Variants in CHODL observed in about 807,000 individuals in gnomAD.
The protein encoded by CHODL is chondrolectin.
A neutral mutation model predicts 34.5 loss-of-function variants in CHODL; 29 were observed. The ratio of observed to expected loss-of-function variants is 0.84; its 90% CI spans 0.63 to 1.15. CHODL has a LOEUF of 1.15. CHODL is among the 50% of genes most tolerant of loss of function. CHODL has a pLI of 0.00. For synonymous variants in CHODL, 125 were observed against 116.1 expected, an observed-to-expected ratio of 1.08 and a Z score of -0.49; for missense variants, 332 against 332.5, an observed-to-expected ratio of 1.00 and a Z score of 0.01.
intron 1 of CHODL, among the ~76,000 whole-genome samples, chr21:17,952,819 G>C (rs752046044): frequency 1.1e-4 from 17 of 152,130 alleles, no homozygotes; most frequent in African/African-American, 4.1e-4. Context: ...AGGTTTAATC[G>C]CCTCTCAGTC....
chr21:18,143,633 G>C (rs1017624458), intron 2 of CHODL, among the ~76,000 whole-genome samples: 30 of 152,014 alleles, frequency 2.0e-4, no homozygotes, highest in African/African-American at 7.2e-4. Context: ...TAAGACGGGA[G>C]AGTAATAGCT....
intron 2 of CHODL, among the ~76,000 whole-genome samples, chr21:18,108,865 GTGTGTGTTTC>G (rs2065310500): frequency 6.7e-6 from 1 of 148,854 alleles, no homozygotes; most frequent in African/African-American, 2.5e-5. Context: ...GTGTGTGTGT[GTGTGTGTTTC>G]TTCTAACTTT....
chr21:18,252,591 A>G (rs2074271028), intron 1 of CHODL, among the ~76,000 whole-genome samples: 1 of 152,180 alleles, frequency 6.6e-6, no homozygotes, highest in Admixed American at 6.5e-5. Flanking sequence ...AATTTGCACG[A>G]TAAGGTGGAA....
chr21:18,180,887 T>C (rs1231629720), intron 2 of CHODL, among the ~76,000 whole-genome samples: 1 of 152,230 alleles, frequency 6.6e-6, no homozygotes, highest in Non-Finnish European at 1.5e-5. Context: ...AATTTCTCCA[T>C]GTGTAAACAT....
At chr21:18,226,972 T>C (rs1271224972) in intron 2 of CHODL, among the ~76,000 whole-genome samples, 1 of 152,160 alleles carries the variant, frequency 6.6e-6, no homozygotes, top group African/African-American at 2.4e-5. Context: ...CAAAATATCA[T>C]AAACTGAGTA....
intron 2 of CHODL, among the ~76,000 whole-genome samples, chr21:18,169,008 G>A (rs1025147168): frequency 2.0e-5 from 3 of 152,042 alleles, no homozygotes; most frequent in Admixed American, 6.6e-5. Flanking sequence ...AGTCTTTGGT[G>A]TTGGAATTCT....
chr21:17,980,251 C>G (rs535373963), intron 1 of CHODL, among the ~76,000 whole-genome samples: 4 of 152,228 alleles, frequency 2.6e-5, no homozygotes, highest in Non-Finnish European at 5.9e-5. Flanking sequence ...TTATTTTTAA[C>G]TCTGATAGAA....
chr21:18,123,190 A>G (rs1043958874), intron 2 of CHODL, among the ~76,000 whole-genome samples: 1 of 152,238 alleles, frequency 6.6e-6, no homozygotes, highest in Non-Finnish European at 1.5e-5. Context: ...ATCCTCAGGC[A>G]CATACCCTCA....
Position 18,174,121 on chromosome 21 carries a change from G to GTATA in CHODL, c.-44-82387_-44-82386insATAT, listed in dbSNP as rs1491107369. On this transcript the variant is annotated intron_variant, in intron 2 of 6. Coordinates refer to the CHODL transcript ENST00000400127. ...AGGATATATATATATATATATCTTGGTGTATATATATATATATATATATAT... is the reference window on the plus strand; with the variant it reads ...AGGATATATATATATATATATCTTGGTATATGTATATATATATATATATATATAT... 2.6e-4 allele frequency among the ~76,000 whole-genome samples: 16 copies of GTATA among 60,866 alleles called. 1 individual carries two copies. In the East Asian group the frequency reaches 4.6e-3, roughly 18 times the overall value. 39.9% of individuals were successfully genotyped at this position (60,866 alleles called of 152,430 possible).
At chr21:18,113,554 G>T (rs1026405143) in intron 2 of CHODL, among the ~76,000 whole-genome samples, 1 of 152,142 alleles carries the variant, frequency 6.6e-6, no homozygotes, top group Non-Finnish European at 1.5e-5. Flanking sequence ...CATCCCGCAT[G>T]GCTGGAGCAG....
At chr21:17,955,726 A>T (rs1312725171) in intron 1 of CHODL, among the ~76,000 whole-genome samples, 2 of 136,672 alleles carry the variant, frequency 1.5e-5, no homozygotes, top group African/African-American at 5.0e-5. Flanking sequence ...TAGGGAAAAA[A>T]ATTGCTTGCT....
chr21:18,256,972 A>G lies in CHODL; in HGVS notation c.392A>G (p.Asn131Ser). 1.2e-6 allele frequency: 2 copies of G among 1,611,544 alleles called. No homozygotes were observed. The highest frequency in any genetic ancestry group is 1.7e-6 in the Non-Finnish European group (2 of 1,178,988). ...WSDGSNSQYRNWYTDEPSCGS... is the reference protein window; with the variant it reads ...WSDGSNSQYRSWYTDEPSCGS... ...TTCCTATTACTCTCTGTTTGCAGAA[A>G]CTGGTACACAGATGAACCTTCCTGC... The change falls in exon 3 of 6, where the codon AAC (asparagine) becomes AGC (serine). Residue 131 changes from asparagine to serine, a missense_variant and splice_region_variant. Transcript: ENST00000299295.
intron 2 of CHODL, among the ~76,000 whole-genome samples, chr21:18,139,722 C>A (rs959954820): frequency 6.6e-6 from 1 of 152,154 alleles, no homozygotes; most frequent in African/African-American, 2.4e-5. Context: ...TAGCTAAAAT[C>A]ACCCACGACA....
intron 1 of CHODL, among the ~76,000 whole-genome samples, chr21:17,959,330 A>G (rs980047634): frequency 2.6e-5 from 4 of 152,254 alleles, no homozygotes; most frequent in South Asian, 2.1e-4. Flanking sequence ...TCTGTCCACT[A>G]CGTTTTTGGT....
At chr21:17,942,971 T>C (rs1471773828) in intron 1 of CHODL, among the ~76,000 whole-genome samples, 1 of 152,216 alleles carries the variant, frequency 6.6e-6, no homozygotes, top group Non-Finnish European at 1.5e-5. Flanking sequence ...CTCATCCCCA[T>C]GTGAAGATGT....
chr21:17,924,253 GC>G (rs1477332327), intron 1 of CHODL, among the ~76,000 whole-genome samples: 1 of 152,352 alleles, frequency 6.6e-6, no homozygotes, highest in East Asian at 1.9e-4. Context: ...CTGGAGTATA[GC>G]TGATGGTGAA....
chr21:18,203,873 T>C (rs2073683040), intron 2 of CHODL, among the ~76,000 whole-genome samples: 1 of 152,168 alleles, frequency 6.6e-6, no homozygotes, highest in African/African-American at 2.4e-5. Flanking sequence ...TACATGGCTG[T>C]GATTGATCAT....
chr21:18,214,050 T>G (rs2073799669), intron 2 of CHODL, among the ~76,000 whole-genome samples: 1 of 152,024 alleles, frequency 6.6e-6, no homozygotes, highest in Admixed American at 6.6e-5. Context: ...GTTCAATGAG[T>G]CTAAAGTCAC....
intron 1 of CHODL, among the ~76,000 whole-genome samples, chr21:17,979,815 A>T (rs1486193540): frequency 6.6e-6 from 1 of 152,196 alleles, no homozygotes; most frequent in Non-Finnish European, 1.5e-5. Flanking sequence ...TCTTCAAATT[A>T]AATGTCACTT....
Sources: allele counts gnomAD v4.1 joint callset (sites outside exome capture counted in the v4.1 genomes callset), GRCh38; gene constraint gnomAD v4.1.1; transcripts MANE v1.5; gene names NCBI Gene and HGNC (gene_info 2026-07-23, HGNC 2026-07-21).